Variants in STK10 observed in about 807,000 individuals in gnomAD.
STK10 encodes serine/threonine kinase 10, also known as serine/threonine-protein kinase 10.
STK10 carries 78 observed loss-of-function variants against 113.8 expected under a neutral mutation model. The ratio of observed to expected loss-of-function variants is 0.69; its 90% confidence interval spans 0.57 to 0.83. The LOEUF (loss-of-function observed/expected upper bound fraction) is 0.83. Ranked by LOEUF, STK10 falls within the 40% of genes least tolerant of loss-of-function variation. The pLI, the probability that STK10 is intolerant of heterozygous loss-of-function variation, is 0.00. For synonymous variants in STK10, 465 were observed against 494.7 expected (o/e 0.94, Z 0.80); for missense variants, 1,109 against 1,280.1 (o/e 0.87, Z 2.04).
chr5:172,043,300 G>A lies in STK10; in HGVS notation c.*1582C>T, dbSNP rs1447153306. 2 of 152,010 alleles carry A rather than the reference G, an allele frequency of 1.3e-5. No individual in the cohort carries two copies. Among genetic ancestry groups the A allele is most frequent in the Non-Finnish European group, 2.9e-5 (2 of 68,030 alleles). The allele number at this position is 152,010 out of a possible 1,614,324, so 9.4% of individuals were successfully genotyped here. A position where few individuals can be genotyped will look rare whatever the true frequency, so the allele number is the denominator to read the frequency against. On this transcript the variant is annotated 3_prime_UTR_variant, in exon 19 of 19. Transcript: ENST00000176763. ...AGTAGAGACAGGGTTTTGCCATGTT[G>A]GCCAGGCTAGTCTCGAACTCCTCAC... is the stretch of plus-strand genomic sequence containing the variant.
At chr5:172,147,949 C>T (rs1182338160) in intron 2 of STK10, among the ~76,000 whole-genome samples, 2 of 152,144 alleles carry the variant, frequency 1.3e-5, no homozygotes, top group Non-Finnish European at 2.9e-5. Flanking sequence ...TACATGTGAT[C>T]GTATCACACC....
intron 2 of STK10, among the ~76,000 whole-genome samples, chr5:172,134,830 G>A (rs1283746045): frequency 1.3e-5 from 2 of 151,694 alleles, no homozygotes; most frequent in African/African-American, 4.8e-5. Context: ...GGGCTGAGGT[G>A]GAAGGATCAT....
chr5:172,147,920 T>C (rs1482091709), intron 2 of STK10, among the ~76,000 whole-genome samples: 1 of 152,144 alleles, frequency 6.6e-6, no homozygotes. Context: ...GAGCCAGGAA[T>C]TGCGGATGAA....
intron 2 of STK10, among the ~76,000 whole-genome samples, chr5:172,140,489 G>C (rs1029904921): frequency 1.3e-5 from 2 of 152,212 alleles, no homozygotes; most frequent in African/African-American, 4.8e-5. Flanking sequence ...CTGGGGTCAG[G>C]AGTTCGAGAC....
rs144031249 is a variant in STK10 at position 172,170,298 on chromosome 5, T to C, written c.157-13510A>G. Among the ~76,000 whole-genome samples the C allele has an allele frequency of 7.9e-4, 121 of 152,276 alleles. 1 individual carries two copies. In the East Asian group the frequency reaches 0.019, roughly 24 times the overall value. ...ATATTTCTATTTCTGAATCTCTGGC[T>C]GTTCTCCAGTTTTGAAAGATGGCAC... On this transcript the variant is annotated intron_variant, in intron 1 of 18. Coordinates refer to ENST00000176763, the MANE Select transcript of STK10 (RefSeq NM_005990.4).
chr5:172,097,064 GT>G (rs1402753965), intron 7 of STK10, among the ~76,000 whole-genome samples: 1 of 152,212 alleles, frequency 6.6e-6, no homozygotes, highest in African/African-American at 2.4e-5. Context: ...TTGAGACAGA[GT>G]TTCACTCTTG....
chr5:172,121,242 G>A (rs1414831450), intron 3 of STK10, among the ~76,000 whole-genome samples: 1 of 151,986 alleles, frequency 6.6e-6, no homozygotes, highest in African/African-American at 2.4e-5. Context: ...TGTTGGCCAA[G>A]CTGATCTTGA....
At chr5:172,167,634 C>T (rs917186532) in intron 1 of STK10, among the ~76,000 whole-genome samples, 2 of 152,196 alleles carry the variant, frequency 1.3e-5, no homozygotes, top group East Asian at 1.9e-4. Context: ...CTCGTTCTTT[C>T]GGAACCCACA....
intron 17 of STK10, among the ~76,000 whole-genome samples, chr5:172,054,128 C>T (rs1767693458): frequency 6.6e-6 from 1 of 152,188 alleles, no homozygotes; most frequent in South Asian, 2.1e-4. Context: ...CTCCTGGGGC[C>T]AGGACCCTCA....
At chr5:172,048,963 C>T (rs1189424920) in intron 18 of STK10, among the ~76,000 whole-genome samples, 1 of 152,042 alleles carries the variant, frequency 6.6e-6, no homozygotes, top group East Asian at 1.9e-4. Context: ...CTGGGAATGT[C>T]CCCCTGAAAA....
intron 1 of STK10, among the ~76,000 whole-genome samples, chr5:172,170,376 T>C (rs1770647110): frequency 6.6e-6 from 1 of 152,162 alleles, no homozygotes; most frequent in South Asian, 2.1e-4. Context: ...TGTACACAGC[T>C]GAGTCCTGCC....
chr5:172,100,762 G>A (rs2113756584), intron 7 of STK10, among the ~76,000 whole-genome samples: 1 of 152,224 alleles, frequency 6.6e-6, no homozygotes, highest in African/African-American at 2.4e-5. Flanking sequence ...ACTCCAGCCT[G>A]GGCAACACGA....
intron 1 of STK10, among the ~76,000 whole-genome samples, chr5:172,182,832 G>A (rs925408152): frequency 2.0e-5 from 3 of 152,024 alleles, no homozygotes; most frequent in African/African-American, 7.2e-5. Context: ...GATTACAGGT[G>A]TGAGCCACCG....
At chr5:172,089,292 T>C (rs1409777034) in intron 10 of STK10, among the ~76,000 whole-genome samples, 1 of 152,220 alleles carries the variant, frequency 6.6e-6, no homozygotes, top group Non-Finnish European at 1.5e-5. Context: ...GGGATTATCT[T>C]GTGTACTGTA....
At chr5:172,181,651 T>A (rs111499610) in intron 1 of STK10, among the ~76,000 whole-genome samples, 2,254 of 151,182 alleles carry the variant, frequency 0.015, 57 homozygotes, top group African/African-American at 0.052. Flanking sequence ...GCCAGGCTAG[T>A]TTTTGTATTT....
At chr5:172,110,429 G>A (rs1282662102) in intron 4 of STK10, among the ~76,000 whole-genome samples, 4 of 152,166 alleles carry the variant, frequency 2.6e-5, no homozygotes, top group African/African-American at 4.8e-5. Flanking sequence ...CCGTGGTGGC[G>A]ACAGGCACCT....
intron 15 of STK10, chr5:172,056,910 GAA>G (rs1383683037): frequency 6.9e-6 from 1 of 144,548 alleles, no homozygotes; most frequent in Non-Finnish European, 1.5e-5. Flanking sequence ...GAGAAAGAAA[GAA>G]AGAAAGAAGG....
At chr5:172,103,583 C>T (rs771697076) in intron 7 of STK10, among the ~76,000 whole-genome samples, 7 of 152,064 alleles carry the variant, frequency 4.6e-5, no homozygotes, top group African/African-American at 7.2e-5. Context: ...CCCACTCGAC[C>T]CCACCCACTT....
chr5:172,069,694 G>A (rs1202549912), intron 12 of STK10, among the ~76,000 whole-genome samples: 4 of 152,150 alleles, frequency 2.6e-5, no homozygotes, highest in Non-Finnish European at 2.9e-5. Context: ...ATGAGAAATA[G>A]ATAAATCCAC....
Sources: allele counts gnomAD v4.1 joint callset (sites outside exome capture counted in the v4.1 genomes callset), GRCh38; gene constraint gnomAD v4.1.1; transcripts MANE v1.5; gene names NCBI Gene and HGNC (gene_info 2026-07-23, HGNC 2026-07-21).